Variants in EYA1 observed in about 807,000 individuals in gnomAD.
EYA1 encodes EYA transcriptional coactivator and phosphatase 1.
In EYA1, 16 loss-of-function variants were observed where a neutral mutation model predicts 82.0. That is an observed-to-expected ratio of 0.20 (90% CI 0.13 to 0.30). The LOEUF (loss-of-function observed/expected upper bound fraction) is 0.30, where lower values mean the gene tolerates loss of function less well. EYA1 is among the 10% of genes least tolerant of loss of function. The pLI is 1.00. For synonymous variants in EYA1, 261 were observed against 264.4 expected (o/e 0.99, Z 0.12); for missense variants, 633 against 730.7 (o/e 0.87, Z 1.54).
rs145387060 is a variant in EYA1, at chr8:71,229,056, T to C, written c.1141-12033A>G. Among the ~76,000 whole-genome samples, 131 of 152,290 alleles carry C rather than the reference T, an allele frequency of 8.6e-4. 2 individuals are homozygous for C. In the East Asian group the frequency reaches 0.024, roughly 28 times the overall value. The stretch of plus-strand genomic sequence containing the variant: ...CAATAGATGTATTAGAAAAATTAAA[T>C]TGGAAACACTTAATATATTTCTATG... On this transcript the variant is annotated intron_variant, in intron 12 of 17. Transcript: ENST00000340726.
intron 2 of EYA1, among the ~76,000 whole-genome samples, chr8:71,421,655 T>G (rs1434903317): frequency 6.6e-6 from 1 of 152,126 alleles, no homozygotes; most frequent in Non-Finnish European, 1.5e-5. Context: ...TGAACAGCTG[T>G]TTGGTGGTGG....
intron 2 of EYA1, among the ~76,000 whole-genome samples, chr8:71,488,438 A>G (rs1242752918): frequency 2.0e-5 from 3 of 152,228 alleles, no homozygotes; most frequent in Admixed American, 6.5e-5. Flanking sequence ...AACATAGAAC[A>G]GGGATGAATC....
intron 2 of EYA1, among the ~76,000 whole-genome samples, chr8:71,493,752 G>A (rs952531207): frequency 1.3e-5 from 2 of 151,224 alleles, no homozygotes; most frequent in Admixed American, 6.6e-5. Flanking sequence ...GGCCGGGCGC[G>A]GTGGCTCACG....
intron 17 of EYA1, among the ~76,000 whole-genome samples, 182 bp from the exon 18 acceptor site, chr8:71,199,602 G>C (rs900381549): frequency 1.3e-5 from 2 of 152,138 alleles, no homozygotes; most frequent in Admixed American, 6.5e-5. Flanking sequence ...AAGAATACTG[G>C]ACTGAGTTGT....
chr8:71,507,810 G>T (rs886106664), intron 2 of EYA1, among the ~76,000 whole-genome samples: 1 of 152,176 alleles, frequency 6.6e-6, no homozygotes, highest in African/African-American at 2.4e-5. Context: ...ATATGCATTT[G>T]TTGGACATTC....
intron 9 of EYA1, among the ~76,000 whole-genome samples, chr8:71,290,025 T>C (rs1360779073): frequency 3.3e-5 from 5 of 152,118 alleles, no homozygotes; most frequent in African/African-American, 1.2e-4. Context: ...GTATAGAACA[T>C]GGAGGGAGGT....
intron 2 of EYA1, among the ~76,000 whole-genome samples, chr8:71,422,314 G>A (rs953144599): frequency 5.9e-5 from 9 of 152,164 alleles, no homozygotes; most frequent in Admixed American, 6.5e-5. Flanking sequence ...GGAGACATTA[G>A]GGGTTTTACT....
At chr8:71,292,726 T>G (rs948193137) in intron 9 of EYA1, among the ~76,000 whole-genome samples, 1 of 151,926 alleles carries the variant, frequency 6.6e-6, no homozygotes, top group Non-Finnish European at 1.5e-5. Context: ...CAAAAATAAG[T>G]ATTAAAATAT....
At chr8:71,440,657 G>A (rs1806363227) in intron 2 of EYA1, among the ~76,000 whole-genome samples, 1 of 152,104 alleles carries the variant, frequency 6.6e-6, no homozygotes, top group African/African-American at 2.4e-5. Flanking sequence ...GGTGTCCAGT[G>A]GGCATCTGGA....
intron 2 of EYA1, among the ~76,000 whole-genome samples, chr8:71,492,692 C>G (rs1399146820): frequency 6.6e-6 from 1 of 152,118 alleles, no homozygotes; most frequent in East Asian, 1.9e-4. Flanking sequence ...GTCTCAATCT[C>G]CTGACCTCGT....
intron 9 of EYA1, among the ~76,000 whole-genome samples, chr8:71,286,191 C>T (rs895149448): frequency 2.0e-5 from 3 of 152,114 alleles, no homozygotes; most frequent in Non-Finnish European, 4.4e-5. Context: ...GCACATGTAA[C>T]CCGGAACTTA....
At chr8:71,292,428 G>T (rs1819105036) in intron 9 of EYA1, among the ~76,000 whole-genome samples, 1 of 152,022 alleles carries the variant, frequency 6.6e-6, no homozygotes. Context: ...ATTTCATTGT[G>T]ACACTGTCTT....
chr8:71,461,803 G>A (rs1003019269), intron 2 of EYA1, among the ~76,000 whole-genome samples: 2 of 152,110 alleles, frequency 1.3e-5, no homozygotes, highest in African/African-American at 4.8e-5. Flanking sequence ...TCCCTCAGGG[G>A]GAAGCTCCAT....
chr8:71,539,771 G>A (rs1188228021), intron 1 of EYA1, among the ~76,000 whole-genome samples: 1 of 152,162 alleles, frequency 6.6e-6, no homozygotes, highest in African/African-American at 2.4e-5. Flanking sequence ...TTTAGGAAGT[G>A]TCTTATATTT....
chr8:71,509,358 A>T (rs1264517145), intron 2 of EYA1, among the ~76,000 whole-genome samples: 1 of 152,168 alleles, frequency 6.6e-6, no homozygotes, highest in African/African-American at 2.4e-5. Flanking sequence ...TGCTTTACAT[A>T]AGGTTAACGT....
intron 2 of EYA1, among the ~76,000 whole-genome samples, chr8:71,373,719 C>T (rs566413767): frequency 6.6e-6 from 1 of 152,228 alleles, no homozygotes; most frequent in Admixed American, 6.5e-5. Context: ...GGAGGCATCA[C>T]ACGTCCTGAT....
intron 2 of EYA1, among the ~76,000 whole-genome samples, chr8:71,479,318 C>A (rs559779421): frequency 6.6e-6 from 1 of 152,270 alleles, no homozygotes; most frequent in Non-Finnish European, 1.5e-5. Context: ...ACCTTCCCCA[C>A]GAGGCCTGCC....
intron 2 of EYA1, among the ~76,000 whole-genome samples, chr8:71,474,831 C>G (rs1480363180): frequency 1.3e-5 from 2 of 152,102 alleles, no homozygotes; most frequent in Non-Finnish European, 2.9e-5. Flanking sequence ...TCTGCAATGA[C>G]TATAAAGAAT....
chr8:71,228,852 GTACTAGA>G (rs1371335647), intron 12 of EYA1, among the ~76,000 whole-genome samples: 1 of 152,132 alleles, frequency 6.6e-6, no homozygotes, highest in Non-Finnish European at 1.5e-5. Flanking sequence ...GTCAGGGAAG[GTACTAGA>G]TTCTTGTAAA....
Sources: allele counts gnomAD v4.1 joint callset (sites outside exome capture counted in the v4.1 genomes callset), GRCh38; gene constraint gnomAD v4.1.1; transcripts MANE v1.5; gene names NCBI Gene and HGNC (gene_info 2026-07-23, HGNC 2026-07-21).